UBAP1: variants seen among roughly 807,000 people sequenced by gnomAD.
UBAP1 encodes ubiquitin-associated protein 1.
In UBAP1, 5 loss-of-function variants were observed where a neutral mutation model predicts 39.0. The ratio of observed to expected loss-of-function variants is 0.13; its 90% CI spans 0.07 to 0.27. The LOEUF (loss-of-function observed/expected upper bound fraction) is 0.27. UBAP1 is among the 10% of genes least tolerant of loss of function. UBAP1 has a pLI of 1.00. For synonymous variants in UBAP1, 211 were observed against 225.1 expected, an observed-to-expected ratio of 0.94 and a Z score of 0.56; for missense variants, 490 against 608.1, an observed-to-expected ratio of 0.81 and a Z score of 2.04.
intron 3 of UBAP1, among the ~76,000 whole-genome samples, chr9:34,236,335 G>C (rs1833699997): frequency 6.6e-6 from 1 of 152,104 alleles, no homozygotes; most frequent in Non-Finnish European, 1.5e-5. Context: ...GTATAGCCTA[G>C]GTGTATAGCA....
At chr9:34,220,627 G>A (rs918737745) in intron 1 of UBAP1, among the ~76,000 whole-genome samples, 1 of 151,714 alleles carries the variant, frequency 6.6e-6, no homozygotes, top group African/African-American at 2.4e-5. Context: ...GCCTGGCCTC[G>A]GCTAATTTTT....
chr9:34,204,604 G>C (rs1013603776), intron 1 of UBAP1, among the ~76,000 whole-genome samples: 1 of 151,958 alleles, frequency 6.6e-6, no homozygotes, highest in African/African-American at 2.4e-5. Context: ...TCTATCTCTA[G>C]TCCTTTAATT....
At chr9:34,220,155 C>T (rs1344647798) in intron 1 of UBAP1, among the ~76,000 whole-genome samples, 1 of 40,794 alleles carries the variant, frequency 2.5e-5, no homozygotes, top group Non-Finnish European at 4.6e-5. Context: ...CTCTCCTGCC[C>T]TCTCCTCTCT....
At chr9:34,209,246 C>T (rs941148910) in intron 1 of UBAP1, among the ~76,000 whole-genome samples, 3 of 152,072 alleles carry the variant, frequency 2.0e-5, no homozygotes, top group Non-Finnish European at 2.9e-5. Context: ...TGGCCTGACT[C>T]AGCTACTTCT....
intron 3 of UBAP1, among the ~76,000 whole-genome samples, chr9:34,240,848 G>A (rs1833918483): frequency 6.8e-6 from 1 of 146,202 alleles, no homozygotes; most frequent in South Asian, 2.2e-4. Flanking sequence ...AAAGTGTTTA[G>A]AATCATGCAT....
At position 34,228,658 on chromosome 9, in the gene UBAP1, C is replaced by A. The variant is rs964752082; in HGVS notation, c.35-5558C>A. ...GATTTTCGCTCACTGCCGCCTCCGC[C>A]TCCTGGGTTCAAGTGATCCTCCTGC... On this transcript the variant is annotated intron_variant, in intron 2 of 6. Coordinates refer to ENST00000297661, the MANE Select transcript of UBAP1 (RefSeq NM_016525.5). 2.0e-5 allele frequency among the ~76,000 whole-genome samples: 3 copies of A among 150,344 alleles called. No individual in the cohort carries two copies. In the South Asian group the frequency reaches 6.4e-4, roughly 32 times the overall value.
chr9:34,247,522 TC>T, intron 4 of UBAP1, among the ~76,000 whole-genome samples: 1 of 152,024 alleles, frequency 6.6e-6, no homozygotes, highest in East Asian at 1.9e-4. Flanking sequence ...CCTTCTGGGT[TC>T]AAGTGATCCT....
At chr9:34,245,665 G>A (rs1462042990) in intron 4 of UBAP1, among the ~76,000 whole-genome samples, 2 of 52,048 alleles carry the variant, frequency 3.8e-5, no homozygotes, top group East Asian at 8.7e-4. Flanking sequence ...GATGAATGGG[G>A]ACTGTTTCAC....
At chr9:34,218,216 C>T (rs1266718500) in intron 1 of UBAP1, among the ~76,000 whole-genome samples, 4 of 120,606 alleles carry the variant, frequency 3.3e-5, no homozygotes, top group Non-Finnish European at 6.5e-5. Flanking sequence ...CATGCCACTG[C>T]ACTCCAGCCT....
chr9:34,211,214 G>T (rs1467113140), intron 1 of UBAP1, among the ~76,000 whole-genome samples: 1 of 152,076 alleles, frequency 6.6e-6, no homozygotes, highest in Non-Finnish European at 1.5e-5. Flanking sequence ...TTTTACTGAT[G>T]AGGGAGCTGA....
chr9:34,179,235 A>G lies in UBAP1; in HGVS notation c.-13A>G. On this transcript the variant is annotated 5_prime_UTR_variant, in exon 1 of 7. Transcript: ENST00000297661. ...CTTCTGAGACGGCGGCAGCAGCGGC[A>G]TTCAGGTGAGGGGGGCCTCCCTCTG... The G allele has an allele frequency of 3.1e-6, 3 of 962,162 alleles. No homozygotes were observed. The highest frequency in any genetic ancestry group is 3.6e-6 in the Non-Finnish European group (3 of 822,056). The allele number at this position is 962,162 out of a possible 1,614,324, so 59.6% of individuals were successfully genotyped here. A position where few individuals can be genotyped will look rare whatever the true frequency, so the allele number is the denominator to read the frequency against.
chr9:34,213,491 A>T (rs891327713), intron 1 of UBAP1, among the ~76,000 whole-genome samples: 6 of 152,154 alleles, frequency 3.9e-5, no homozygotes, highest in African/African-American at 1.4e-4. Context: ...AGCATGGGCG[A>T]CAGAGCGAGA....
At chr9:34,218,250 C>CAAAAAAAAAAAAAAAAAAAA (rs758443973) in intron 1 of UBAP1, among the ~76,000 whole-genome samples, 3 of 49,506 alleles carry the variant, frequency 6.1e-5, no homozygotes, top group African/African-American at 1.9e-4. Context: ...GACTCCATCT[C>CAAAAAAAAAAAAAAAAAAAA]AAAAAAAAAA....
intron 2 of UBAP1, among the ~76,000 whole-genome samples, chr9:34,233,426 T>TG (rs1388791479): frequency 6.6e-6 from 1 of 152,022 alleles, no homozygotes; most frequent in African/African-American, 2.4e-5. Context: ...TTCACCATGT[T>TG]GGTCAGGCTG....
intron 1 of UBAP1, chr9:34,206,374 G>T (rs1198831694): frequency 6.6e-6 from 1 of 152,172 alleles, no homozygotes; most frequent in Non-Finnish European, 1.5e-5. Flanking sequence ...GCCGAGCATG[G>T]TGTTGGGTGC....
At chr9:34,195,080 T>C (rs1335518210) in intron 1 of UBAP1, among the ~76,000 whole-genome samples, 1 of 152,176 alleles carries the variant, frequency 6.6e-6, no homozygotes, top group Non-Finnish European at 1.5e-5. Context: ...TACACGGATT[T>C]TTTTCTTTTG....
intron 1 of UBAP1, among the ~76,000 whole-genome samples, chr9:34,205,720 G>T (rs1050428909): frequency 6.6e-6 from 1 of 152,170 alleles, no homozygotes; most frequent in Non-Finnish European, 1.5e-5. Context: ...TTGGCAGGAC[G>T]TGGTGGCTCA....
At chr9:34,227,301 T>C (rs1481971502) in intron 2 of UBAP1, among the ~76,000 whole-genome samples, 1 of 152,132 alleles carries the variant, frequency 6.6e-6, no homozygotes, top group African/African-American at 2.4e-5. Context: ...TTTTTTGTTT[T>C]ATTTATTTAT....
At chr9:34,209,787 T>C (rs1439653886) in intron 1 of UBAP1, among the ~76,000 whole-genome samples, 2 of 152,188 alleles carry the variant, frequency 1.3e-5, no homozygotes. Context: ...TAGGTGCTTG[T>C]TGCATACCAG....
Sources: allele counts gnomAD v4.1 joint callset (sites outside exome capture counted in the v4.1 genomes callset), GRCh38; gene constraint gnomAD v4.1.1; transcripts MANE v1.5; gene names NCBI Gene and HGNC (gene_info 2026-07-23, HGNC 2026-07-21).